Variants in MTNR1B observed in about 807,000 individuals in gnomAD.
The protein encoded by MTNR1B is melatonin receptor 1B.
MTNR1B carries 7 observed loss-of-function variants against 7.0 expected under a neutral mutation model. The ratio of observed to expected loss-of-function variants is 1.00; its 90% CI spans 0.57 to 1.88. The LOEUF is 1.88. Ranked by LOEUF, MTNR1B falls within the 40% of genes most tolerant of loss-of-function variation. MTNR1B has a pLI of 0.00. For missense variants in MTNR1B, 478 were observed against 486.5 expected (o/e 0.98, Z 0.16); for synonymous variants, 226 against 208.2 (o/e 1.09, Z -0.74).
intron 1 of MTNR1B, among the ~76,000 whole-genome samples, chr11:92,970,934 T>G (rs1285350375): frequency 6.6e-6 from 1 of 152,060 alleles, no homozygotes; most frequent in Non-Finnish European, 1.5e-5. Flanking sequence ...AATAGTAATA[T>G]GTATTTGGTG....
At chr11:92,970,358 TTATG>T (rs1857905418) in intron 1 of MTNR1B, among the ~76,000 whole-genome samples, 2 of 152,176 alleles carry the variant, frequency 1.3e-5, no homozygotes, top group Admixed American at 1.3e-4. Flanking sequence ...CACTGTAGCT[TTATG>T]TAGTAGTCGC....
At chr11:92,977,878 CAT>C (rs1858035757) in intron 1 of MTNR1B, among the ~76,000 whole-genome samples, 1 of 152,192 alleles carries the variant, frequency 6.6e-6, no homozygotes, top group Non-Finnish European at 1.5e-5. Context: ...TGTTAGAAAA[CAT>C]AGATCATTTG....
intron 1 of MTNR1B, among the ~76,000 whole-genome samples, chr11:92,971,779 C>T (rs763991788): frequency 6.6e-6 from 1 of 152,164 alleles, no homozygotes; most frequent in Non-Finnish European, 1.5e-5. Flanking sequence ...AGAGGGCTGG[C>T]CTTTTCTGTG....
chr11:92,977,231 C>A (rs1296189999), intron 1 of MTNR1B, among the ~76,000 whole-genome samples: 1 of 152,114 alleles, frequency 6.6e-6, no homozygotes, highest in Non-Finnish European at 1.5e-5. Flanking sequence ...TTCAACTCAG[C>A]TCTTGTATGA....
At chr11:92,980,977 A>G (rs2136517138) in intron 1 of MTNR1B, among the ~76,000 whole-genome samples, 1 of 152,348 alleles carries the variant, frequency 6.6e-6, no homozygotes. Context: ...GCAAAAGGAG[A>G]CAACCAGAGA....
intron 1 of MTNR1B, among the ~76,000 whole-genome samples, chr11:92,979,567 T>A (rs963435596): frequency 2.2e-4 from 33 of 152,178 alleles, no homozygotes; most frequent in Admixed American, 2.2e-3. Context: ...CCATCCAACT[T>A]GCTGGACAAT....
chr11:92,984,353 G>A (rs1858164869), downstream of MTNR1B, among the ~76,000 whole-genome samples: 1 of 152,150 alleles, frequency 6.6e-6, no homozygotes, highest in Admixed American at 6.5e-5. Flanking sequence ...TGACCTAACT[G>A]TTGGGAATGA....
chr11:92,978,592 C>T (rs1436437601), intron 1 of MTNR1B, among the ~76,000 whole-genome samples: 3 of 152,156 alleles, frequency 2.0e-5, no homozygotes, highest in African/African-American at 7.2e-5. Flanking sequence ...TAGGACCTGG[C>T]TTCTTACAGA....
chr11:92,969,659 T>A lies in MTNR1B; in HGVS notation c.-67T>A. The A allele has an allele frequency of 7.3e-7, 1 of 1,365,118 alleles. No individual in the cohort carries two copies. 84.6% of individuals were successfully genotyped at this position (1,365,118 alleles called of 1,614,324 possible). On this transcript the variant is annotated 5_prime_UTR_variant, in exon 1 of 2. Transcript: ENST00000257068. ...GCAGGGAAGAGAGCGCCCGGCTCAGTACTGCGCGCGCCCTGCGGCTGTCCG... is the reference window on the plus strand; with the variant it reads ...GCAGGGAAGAGAGCGCCCGGCTCAGAACTGCGCGCGCCCTGCGGCTGTCCG...
chr11:92,979,864 G>A (rs1446096073), intron 1 of MTNR1B, among the ~76,000 whole-genome samples: 2 of 152,152 alleles, frequency 1.3e-5, no homozygotes, highest in Non-Finnish European at 2.9e-5. Flanking sequence ...TCTTTGAGAT[G>A]GGGTGAATGT....
Position 92,982,246 on chromosome 11 carries a change from C to G in MTNR1B, c.1023C>G (p.His341Gln), listed in dbSNP as rs762613035. Reference sequence around the variant, plus strand: ...TTCAAGATGCTTCCAAGGGCAGCCACGCGGAGGGGCTGCAGAGCCCAGCTC... The same window carrying G: ...TTCAAGATGCTTCCAAGGGCAGCCAGGCGGAGGGGCTGCAGAGCCCAGCTC... Reference protein sequence around the residue: ...HCIQDASKGSHAEGLQSPAPP... With the variant: ...HCIQDASKGSQAEGLQSPAPP... Residue 341 changes from histidine to glutamine, a missense_variant, in exon 2 of 2, where the codon CAC becomes CAG. Coordinates refer to ENST00000257068, the MANE Select transcript of MTNR1B (RefSeq NM_005959.5). 1.2e-6 allele frequency: 2 copies of G among 1,614,190 alleles called. No homozygotes were observed. The highest frequency in any genetic ancestry group is 1.7e-6 in the Non-Finnish European group (2 of 1,180,040).
chr11:92,969,924 A>G lies in MTNR1B; in HGVS notation c.199A>G (p.Arg67Gly). The change falls in exon 1 of 2, where the codon AGG (arginine) becomes GGG (glycine). Residue 67 changes from arginine to glycine, a missense_variant. Coordinates refer to ENST00000257068, the MANE Select transcript of MTNR1B (RefSeq NM_005959.5). ...GNLLVILSVLRNRKLRNAGNL... is the reference protein window; with the variant it reads ...GNLLVILSVLGNRKLRNAGNL... The stretch of plus-strand genomic sequence containing the variant: ...CCTCCTGGTGATCCTCTCCGTGCTC[A>G]GGAACCGCAAGCTCCGGAACGCAGG... 6.2e-7 allele frequency: 1 copy of G among 1,611,374 alleles called. No homozygotes were observed. Among genetic ancestry groups the G allele is most frequent in the Non-Finnish European group, 8.5e-7 (1 of 1,179,252 alleles).
At position 92,969,758 on chromosome 11, in the gene MTNR1B, C is replaced by T. The variant is rs1315411833; in HGVS notation, c.33C>T (p.Cys11=). 6.6e-7 allele frequency: 1 copy of T among 1,505,598 alleles called. No individual in the cohort carries two copies. Among genetic ancestry groups the T allele is most frequent in the Admixed American group, 2.0e-5 (1 of 50,126 alleles). 93.3% of individuals were successfully genotyped at this position (1,505,598 alleles called of 1,614,324 possible). The part of the protein sequence containing the change: MSENGSFANC[C]EAGGWAVRPG... ...AGAACGGCTCCTTCGCCAACTGCTGCGAGGCGGGCGGGTGGGCAGTGCGCC... is the reference window on the plus strand; with the variant it reads ...AGAACGGCTCCTTCGCCAACTGCTGTGAGGCGGGCGGGTGGGCAGTGCGCC... Residue 11 remains cysteine, a synonymous_variant, in exon 1 of 2, where the codon TGC becomes TGT. Coordinates refer to ENST00000257068, the MANE Select transcript of MTNR1B (RefSeq NM_005959.5).
downstream of MTNR1B, among the ~76,000 whole-genome samples, chr11:92,983,120 G>A (rs528187831): frequency 2.6e-5 from 4 of 152,222 alleles, no homozygotes; most frequent in Admixed American, 2.6e-4. Flanking sequence ...CAGCCTCCCA[G>A]GTTGTTGTGA....
intron 1 of MTNR1B, among the ~76,000 whole-genome samples, chr11:92,977,449 T>G (rs922758106): frequency 2.6e-5 from 4 of 152,238 alleles, no homozygotes; most frequent in African/African-American, 4.8e-5. Context: ...CACATTAATT[T>G]GGTGATTATT....
intron 1 of MTNR1B, 22 bp from the exon 2 acceptor site, chr11:92,981,425 G>C (rs1034926100): frequency 6.2e-7 from 1 of 1,604,572 alleles, no homozygotes; most frequent in Non-Finnish European, 8.5e-7. Context: ...CGTGCTGACT[G>C]TTGCTCTGTT....
chr11:92,972,219 T>C (rs1857938325), intron 1 of MTNR1B, among the ~76,000 whole-genome samples: 1 of 152,342 alleles, frequency 6.6e-6, no homozygotes, highest in East Asian at 1.9e-4. Context: ...TGTACTTAAG[T>C]CTGGCTCCTT....
chr11:92,981,421 G>T, intron 1 of MTNR1B, 26 bp from the exon 2 acceptor site: 1 of 1,598,832 alleles, frequency 6.3e-7, no homozygotes, highest in South Asian at 1.1e-5. Context: ...GTCTCGTGCT[G>T]ACTGTTGCTC....
chr11:92,982,658 G>A lies in MTNR1B; in HGVS notation c.*346G>A, dbSNP rs148842293. 1.5e-4 allele frequency: 44 copies of A among 288,416 alleles called. No homozygotes were observed. The highest frequency in any genetic ancestry group is 9.7e-4 in the African/African-American group (44 of 45,574). The allele number at this position is 288,416 out of a possible 1,614,324, so 17.9% of individuals were successfully genotyped here. Reference sequence around the variant, plus strand: ...CTCATCCTCCTGCCTTGGCCTCCTGGCTGCTTTCTCCCCTTCCCCCCAGCG... The same window carrying A: ...CTCATCCTCCTGCCTTGGCCTCCTGACTGCTTTCTCCCCTTCCCCCCAGCG... On this transcript the variant is annotated 3_prime_UTR_variant, in exon 2 of 2. Coordinates refer to ENST00000257068, the MANE Select transcript of MTNR1B (RefSeq NM_005959.5).
Sources: allele counts gnomAD v4.1 joint callset (sites outside exome capture counted in the v4.1 genomes callset), GRCh38; gene constraint gnomAD v4.1.1; transcripts MANE v1.5; gene names NCBI Gene and HGNC (gene_info 2026-07-23, HGNC 2026-07-21).